TMEM255A: variants seen among roughly 807,000 people sequenced by gnomAD.
TMEM255A encodes transmembrane protein 255A, also known as family with sequence similarity 70, member A.
Under a neutral mutation model 23.5 loss-of-function variants are expected in TMEM255A, and 14 were observed. That is an observed-to-expected ratio of 0.60 (90% confidence interval 0.39 to 0.93). The LOEUF is 0.93. TMEM255A is among the 40% of genes least tolerant of loss of function. TMEM255A has a pLI of 0.00. For missense variants in TMEM255A, 233 were observed against 261.7 expected, an observed-to-expected ratio of 0.89 and a Z score of 0.76; for synonymous variants, 104 against 100.3, an observed-to-expected ratio of 1.04 and a Z score of -0.22.
At chrX:120,272,942 A>C (rs1453617300) in intron 7 of TMEM255A, among the ~76,000 whole-genome samples, 1 of 110,251 alleles carries the variant, frequency 9.1e-6, no homozygotes, top group Non-Finnish European at 1.9e-5. Context: ...GCGTTTCACC[A>C]TGTTGGCCAG....
chrX:120,280,969 T>C (rs2057832921), intron 6 of TMEM255A, among the ~76,000 whole-genome samples: 1 of 112,644 alleles, frequency 8.9e-6, no homozygotes, highest in South Asian at 3.7e-4. Context: ...AGCTTTTTCC[T>C]TGGACTCCCA....
intron 2 of TMEM255A, among the ~76,000 whole-genome samples, chrX:120,296,784 C>T (rs868949008): frequency 9.5e-4 from 5 of 5,281 alleles, no homozygotes; most frequent in Admixed American, 2.9e-3. Flanking sequence ...TATTATATAT[C>T]ATATATAATA....
chrX:120,310,493 C>A (rs924113023), intron 1 of TMEM255A, among the ~76,000 whole-genome samples: 5 of 111,975 alleles, frequency 4.5e-5, no homozygotes, highest in African/African-American at 1.6e-4. Context: ...TCAGAAGATG[C>A]GCGGGCTCGC....
At chrX:120,258,271 C>T (rs782381460), downstream of TMEM255A, 4 of 123,148 alleles carry the variant, frequency 3.2e-5, no homozygotes, top group African/African-American at 9.7e-5. Flanking sequence ...TTCATTCCTC[C>T]GAGTACTGTA....
chrX:120,255,011 T>A, downstream of TMEM255A: 1 of 1,212,079 alleles, frequency 8.3e-7, no homozygotes, highest in Non-Finnish European at 1.1e-6. Context: ...AGGTATTTCC[T>A]CTTGCAGAAT....
intron 2 of TMEM255A, among the ~76,000 whole-genome samples, chrX:120,298,876 C>CGAGA (rs1569340675): frequency 3.2e-5 from 2 of 62,984 alleles, no homozygotes; most frequent in Non-Finnish European, 5.6e-5. Flanking sequence ...AACAGAGCAC[C>CGAGA]TAGAGAGAGA....
downstream of TMEM255A, chrX:120,254,073 A>G: frequency 1.7e-6 from 2 of 1,211,421 alleles, no homozygotes; most frequent in Non-Finnish European, 1.1e-6. Flanking sequence ...GGTCCAATCT[A>G]ACCCAGGCCC....
chrX:120,279,988 C>T (rs1556020508), intron 6 of TMEM255A, among the ~76,000 whole-genome samples: 6 of 83,968 alleles, frequency 7.1e-5, no homozygotes, highest in African/African-American at 1.3e-4. Context: ...TCTTTTCTTT[C>T]CTTTTCTTTC....
At chrX:120,256,261 G>A (rs1174247669), downstream of TMEM255A, 1 of 122,825 alleles carries the variant, frequency 8.1e-6, no homozygotes, top group Non-Finnish European at 1.9e-5. Context: ...GGCTTCTTAA[G>A]GTTAAAAATA....
chrX:120,271,491 A>T (rs2057761169), intron 7 of TMEM255A, among the ~76,000 whole-genome samples: 1 of 112,112 alleles, frequency 8.9e-6, no homozygotes, highest in South Asian at 3.7e-4. Flanking sequence ...CGCTATCAAG[A>T]CAGACCATCA....
At position 120,296,857 on chromosome X, in the gene TMEM255A, TATATA is replaced by T. The variant is rs1556024491; in HGVS notation, c.202-2811_202-2807del. 2.0e-3 allele frequency among the ~76,000 whole-genome samples: 14 copies of T among 6,992 alleles called. No individual in the cohort carries two copies. The Admixed American group carries it at 0.033, about 17-fold the overall frequency. 6.1% of individuals were successfully genotyped at this position (6,992 alleles called of 115,157 possible). A position where few individuals can be genotyped will look rare whatever the true frequency, so the allele number is the denominator to read the frequency against. On this transcript the variant is annotated intron_variant, in intron 2 of 8. Transcript: ENST00000371369. Reference sequence around the variant, plus strand: ...GATATATAATATATATCATATATAATATATAATATATTATATATCATATATATTAT... The same window carrying T: ...GATATATAATATATATCATATATAATATATATTATATATCATATATATTAT...
At chrX:120,311,201 G>A in intron 1 of TMEM255A, 51 bp downstream of exon 1, 1 of 1,072,581 alleles carries the variant, frequency 9.3e-7, no homozygotes, top group Non-Finnish European at 1.3e-6. Context: ...CCAGAGGCCA[G>A]GGCACTCAAC....
At chrX:120,279,542 G>C (rs16995811) in intron 6 of TMEM255A, among the ~76,000 whole-genome samples, 3,065 of 111,834 alleles carry the variant, frequency 0.027, 110 homozygotes, top group African/African-American at 0.093. Flanking sequence ...TGTAGCTTGG[G>C]AGTCAACTTC....
chrX:120,285,849 G>A, intron 5 of TMEM255A: 1 of 1,201,980 alleles, frequency 8.3e-7, no homozygotes. Flanking sequence ...TTTTGAGTTA[G>A]CAAAAAGGTT....
chrX:120,262,174 C>T (rs1556016786), intron 8 of TMEM255A, among the ~76,000 whole-genome samples: 2 of 110,564 alleles, frequency 1.8e-5, no homozygotes, highest in Admixed American at 1.9e-4. Flanking sequence ...CCCGTAATCC[C>T]GGCTACTCAG....
At chrX:120,291,482 G>C (rs1556022980) in intron 3 of TMEM255A, 142 bp from the exon 4 acceptor site, 1 of 484,688 alleles carries the variant, frequency 2.1e-6, no homozygotes, top group African/African-American at 2.5e-5. Flanking sequence ...GGTCATGCAG[G>C]ATGAGTGGAA....
At position 120,304,408 on chromosome X, in the gene TMEM255A, G is replaced by C; in HGVS notation, c.142C>G (p.Leu48Val). 3 of 1,210,506 alleles carry C rather than the reference G, an allele frequency of 2.5e-6. No individual in the cohort carries two copies. The highest frequency in any genetic ancestry group is 3.4e-6 in the Non-Finnish European group (3 of 894,628). ...TTCTGGGTCCTGGTGGTTGCAGCAAGGCCCACTGTGAGAATTAACACGGAC... is the reference window on the plus strand; with the variant it reads ...TTCTGGGTCCTGGTGGTTGCAGCAACGCCCACTGTGAGAATTAACACGGAC... Reference protein sequence around the residue: ...IVSVLILTVGLAATTRTQNVT... With the variant: ...IVSVLILTVGVAATTRTQNVT... The change falls in exon 2 of 9, where the codon CTT (leucine) becomes GTT (valine). Residue 48 changes from leucine to valine, a missense_variant. Transcript: ENST00000371369.
chrX:120,308,871 GCCAGCAAGCGTAGAGTGCAGGCA>G (rs2058080954), intron 1 of TMEM255A, among the ~76,000 whole-genome samples: 1 of 113,034 alleles, frequency 8.8e-6, no homozygotes, highest in Non-Finnish European at 1.9e-5. Context: ...TTCCCAGGCA[GCCAGCAAGCGTAGAGTGCAGGCA>G]CCTTGGTGCA....
rs1457573710 is a variant in TMEM255A at position 120,258,936 on chromosome X, A to G, written c.*1934T>C. On this transcript the variant is annotated 3_prime_UTR_variant, in exon 9 of 9. Transcript: ENST00000371369. ...TATTAATTTTTCTAAGGTAACATGC[A>G]CTTTGTATAATTCAATGTAATAAAA... 1 of 112,526 alleles carries G rather than the reference A, an allele frequency of 8.9e-6. No homozygotes were observed. The highest frequency in any genetic ancestry group is 1.9e-5 in the Non-Finnish European group (1 of 53,257). 9.3% of individuals were successfully genotyped at this position (112,526 alleles called of 1,213,427 possible). A position where few individuals can be genotyped will look rare whatever the true frequency, so the allele number is the denominator to read the frequency against.
Sources: allele counts gnomAD v4.1 joint callset (sites outside exome capture counted in the v4.1 genomes callset), GRCh38; gene constraint gnomAD v4.1.1; transcripts MANE v1.5; gene names NCBI Gene and HGNC (gene_info 2026-07-23, HGNC 2026-07-21).